DAW1: variants seen among roughly 807,000 people sequenced by gnomAD.
The protein encoded by DAW1 is dynein assembly factor with WD repeat domains 1.
DAW1 carries 47 observed loss-of-function variants against 56.5 expected under a neutral mutation model. The observed-to-expected ratio is 0.83, with a 90% confidence interval of 0.66 to 1.06. DAW1 has a LOEUF of 1.06. DAW1 is among the 50% of genes least tolerant of loss of function. The pLI is 0.00. For missense variants in DAW1, 505 were observed against 499.3 expected, an observed-to-expected ratio of 1.01 and a Z score of -0.11; for synonymous variants, 190 against 179.0, an observed-to-expected ratio of 1.06 and a Z score of -0.49.
At chr2:227,877,619 G>T (rs933877390) in intron 1 of DAW1, among the ~76,000 whole-genome samples, 2 of 152,228 alleles carry the variant, frequency 1.3e-5, no homozygotes, top group African/African-American at 4.8e-5. Context: ...CAGACCAGGG[G>T]GATGGTTTTG....
Position 227,893,872 on chromosome 2 carries a change from G to A in DAW1, c.395G>A (p.Gly132Asp), listed in dbSNP as rs1691340724. Reference sequence around the variant, plus strand: ...GGAGAGGAGCTGAACACGCTGGAGGGCCACAGGAATGTGGTTTATGCCATA... The same window carrying A: ...GGAGAGGAGCTGAACACGCTGGAGGACCACAGGAATGTGGTTTATGCCATA... ...ASGEELNTLE[G>D]HRNVVYAIAF... The change falls in exon 5 of 13, where the codon GGC (glycine) becomes GAC (aspartate). Residue 132 changes from glycine to aspartate, a missense_variant. Coordinates refer to ENST00000309931, the MANE Select transcript of DAW1 (RefSeq NM_178821.3). 3 of 1,613,834 alleles carry A rather than the reference G, an allele frequency of 1.9e-6. No individual in the cohort carries two copies. The highest frequency in any genetic ancestry group is 2.5e-6 in the Non-Finnish European group (3 of 1,179,904).
At chr2:227,873,934 G>A (rs1342458392) in intron 1 of DAW1, among the ~76,000 whole-genome samples, 2 of 152,192 alleles carry the variant, frequency 1.3e-5, no homozygotes, top group African/African-American at 4.8e-5. Flanking sequence ...ACCTGTCTTG[G>A]ACTCCCAAAG....
At chr2:227,916,918 C>T (rs1399137525) in intron 10 of DAW1, among the ~76,000 whole-genome samples, 1 of 152,190 alleles carries the variant, frequency 6.6e-6, no homozygotes, top group Non-Finnish European at 1.5e-5. Context: ...TGATGCTACA[C>T]TGTGTATGTG....
At chr2:227,921,059 A>T (rs531978521) in intron 11 of DAW1, among the ~76,000 whole-genome samples, 1 of 152,264 alleles carries the variant, frequency 6.6e-6, no homozygotes, top group African/African-American at 2.4e-5. Context: ...CATCCACACC[A>T]GGGCCCTGCA....
At chr2:227,887,608 A>T (rs890509877) in intron 2 of DAW1, 4 of 152,226 alleles carry the variant, frequency 2.6e-5, no homozygotes, top group African/African-American at 9.6e-5. Flanking sequence ...ACAGATTTTT[A>T]TATCTAAGAA....
intron 4 of DAW1, among the ~76,000 whole-genome samples, chr2:227,893,026 T>C (rs575508722): frequency 1.3e-5 from 2 of 152,034 alleles, no homozygotes; most frequent in East Asian, 3.9e-4. Context: ...TCCCAGCACT[T>C]TGGGAGGCCG....
At chr2:227,909,310 C>T (rs1043962888) in intron 10 of DAW1, among the ~76,000 whole-genome samples, 1 of 147,250 alleles carries the variant, frequency 6.8e-6, no homozygotes, top group Admixed American at 6.8e-5. Flanking sequence ...CTGTTTTATA[C>T]TATATATAAT....
intron 8 of DAW1, 104 bp from the exon 9 acceptor site, chr2:227,906,132 C>A (rs780823587): frequency 2.6e-6 from 2 of 781,042 alleles, no homozygotes; most frequent in South Asian, 5.7e-5. Context: ...TTTGTAAAAA[C>A]CAGATTTTAG....
At chr2:227,913,331 C>T (rs1031021116) in intron 10 of DAW1, among the ~76,000 whole-genome samples, 9 of 152,110 alleles carry the variant, frequency 5.9e-5, no homozygotes, top group East Asian at 3.9e-4. Context: ...ACTAAGTTAC[C>T]GCCTTTATAA....
intron 10 of DAW1, among the ~76,000 whole-genome samples, chr2:227,907,793 C>T (rs542761880): frequency 1.7e-4 from 26 of 152,320 alleles, no homozygotes; most frequent in African/African-American, 6.3e-4. Flanking sequence ...GATGATCCAC[C>T]TGCCTTGGCC....
At chr2:227,911,555 C>T (rs141288099) in intron 10 of DAW1, among the ~76,000 whole-genome samples, 3 of 152,038 alleles carry the variant, frequency 2.0e-5, no homozygotes, top group African/African-American at 4.8e-5. Flanking sequence ...ACTTATATTA[C>T]ACTGTAACTT....
chr2:227,872,055 T>C, intron 1 of DAW1: 1 of 352,824 alleles, frequency 2.8e-6, no homozygotes. Flanking sequence ...TTGATTTCAA[T>C]GAGTGAAGTA....
chr2:227,885,690 C>T (rs974730232), intron 2 of DAW1, among the ~76,000 whole-genome samples: 2 of 152,028 alleles, frequency 1.3e-5, no homozygotes, highest in African/African-American at 2.4e-5. Context: ...TTAGAAAGGC[C>T]GTGAAGGTAG....
At position 227,891,302 on chromosome 2, in the gene DAW1, A is replaced by G; in HGVS notation, c.306A>G (p.Lys102=). The G allele has an allele frequency of 3.1e-6, 5 of 1,613,468 alleles. No homozygotes were observed. The highest frequency in any genetic ancestry group is 4.2e-6 in the Non-Finnish European group (5 of 1,179,756). Residue 102 remains lysine, a synonymous_variant, in exon 4 of 13, where the codon AAA becomes AAG. Coordinates refer to ENST00000309931, the MANE Select transcript of DAW1 (RefSeq NM_178821.3). The part of the protein sequence containing the change: ...ILPLTNVALN[K]SGSCFITGSY... ...CACTGACTAATGTTGCACTTAACAA[A>G]TCGGGCTCATGGTAAGATTCTCTTT... is the stretch of plus-strand genomic sequence containing the variant.
chr2:227,876,835 A>G (rs1265269229), intron 1 of DAW1, among the ~76,000 whole-genome samples: 2 of 152,212 alleles, frequency 1.3e-5, no homozygotes, highest in Non-Finnish European at 2.9e-5. Flanking sequence ...TGTGCTTTTC[A>G]GCTAACTCAG....
intron 2 of DAW1, among the ~76,000 whole-genome samples, chr2:227,885,657 A>G (rs1691110692): frequency 6.6e-6 from 1 of 151,972 alleles, no homozygotes; most frequent in African/African-American, 2.4e-5. Flanking sequence ...GTCTTAAAAA[A>G]ATAAACCTTT....
intron 10 of DAW1, among the ~76,000 whole-genome samples, chr2:227,915,774 A>G (rs1276393307): frequency 6.6e-6 from 1 of 152,126 alleles, no homozygotes; most frequent in Non-Finnish European, 1.5e-5. Flanking sequence ...ATGTGATGCT[A>G]TCTTATGTGT....
chr2:227,886,874 G>A (rs1486580169), intron 2 of DAW1, among the ~76,000 whole-genome samples: 1 of 152,228 alleles, frequency 6.6e-6, no homozygotes, highest in Non-Finnish European at 1.5e-5. Context: ...TTCAGATAAG[G>A]TGAAAATAAT....
chr2:227,889,596 A>C (rs1691210237), intron 2 of DAW1: 1 of 285,826 alleles, frequency 3.5e-6, no homozygotes. Flanking sequence ...GACTCTTGGC[A>C]CACCCTCCAT....
Sources: allele counts gnomAD v4.1 joint callset (sites outside exome capture counted in the v4.1 genomes callset), GRCh38; gene constraint gnomAD v4.1.1; transcripts MANE v1.5; gene names NCBI Gene and HGNC (gene_info 2026-07-23, HGNC 2026-07-21).